The following ATF7 variants were observed in gnomAD, a reference collection of about 807,000 sequenced individuals.
ATF7 encodes the protein cyclic AMP-dependent transcription factor ATF-7.
A neutral mutation model predicts 50.4 loss-of-function variants in ATF7; 10 were observed. That is an observed-to-expected ratio of 0.20 (90% confidence interval 0.12 to 0.34). The LOEUF is 0.34. Ranked by LOEUF, ATF7 falls within the 10% of genes least tolerant of loss-of-function variation. ATF7 has a pLI of 1.00. For synonymous variants in ATF7, 201 were observed against 226.4 expected, an observed-to-expected ratio of 0.89 and a Z score of 1.01; for missense variants, 465 against 613.9, an observed-to-expected ratio of 0.76 and a Z score of 2.56.
intron 9 of ATF7, among the ~76,000 whole-genome samples, chr12:53,528,717 C>T (rs1413430158): frequency 6.6e-6 from 1 of 151,590 alleles, no homozygotes; most frequent in Non-Finnish European, 1.5e-5. Flanking sequence ...GAGCCGAGAT[C>T]GTGCCACTGC....
intron 2 of ATF7, among the ~76,000 whole-genome samples, chr12:53,558,241 G>C (rs1358487279): frequency 1.3e-5 from 2 of 152,172 alleles, no homozygotes; most frequent in African/African-American, 4.8e-5. Context: ...GTCACAACTG[G>C]GAGGATGCTA....
chr12:53,587,839 ATATATTTTTT>A, intron 2 of ATF7, among the ~76,000 whole-genome samples: 1 of 62,996 alleles, frequency 1.6e-5, no homozygotes, highest in East Asian at 5.6e-4. Context: ...ATATATATAT[ATATATTTTTT>A]TTTTTTTTTC....
At chr12:53,619,914 G>C (rs890473245) in intron 1 of ATF7, among the ~76,000 whole-genome samples, 1 of 152,176 alleles carries the variant, frequency 6.6e-6, no homozygotes, top group African/African-American at 2.4e-5. Context: ...GGGAGGCTAA[G>C]GCAGGAGGAC....
intron 1 of ATF7, among the ~76,000 whole-genome samples, chr12:53,620,372 C>T (rs1325925071): frequency 1.3e-5 from 2 of 151,344 alleles, no homozygotes; most frequent in Non-Finnish European, 2.9e-5. Context: ...GTCAGGAGAT[C>T]GAGACCATCC....
intron 2 of ATF7, among the ~76,000 whole-genome samples, chr12:53,586,824 C>A (rs540158902): frequency 6.6e-6 from 1 of 152,122 alleles, no homozygotes; most frequent in Non-Finnish European, 1.5e-5. Context: ...CACACGTGCA[C>A]GCTCACACAC....
chr12:53,592,926 T>C (rs1167959652), intron 2 of ATF7, among the ~76,000 whole-genome samples: 1 of 152,202 alleles, frequency 6.6e-6, no homozygotes. Flanking sequence ...TGGCAAACAC[T>C]ATACTTTATG....
chr12:53,524,465 G>C lies in ATF7; in HGVS notation c.1125+99C>G. The C allele has an allele frequency of 7.4e-7, 1 of 1,350,676 alleles. No individual in the cohort carries two copies. Among genetic ancestry groups the C allele is most frequent in the East Asian group, 2.3e-5 (1 of 43,022 alleles). 83.7% of individuals were successfully genotyped at this position (1,350,676 alleles called of 1,614,324 possible). A position where few individuals can be genotyped will look rare whatever the true frequency, so the allele number is the denominator to read the frequency against. On this transcript the variant is annotated intron_variant, in intron 10 of 11. Transcript: ENST00000420353. The surrounding 1 kb of genome is among the most constrained non-coding windows in gnomAD (Gnocchi z 4.6). ...GGGACAACTAGATCTGTCCTAATTA[G>C]AGAATTACCATCTTCTATCAAATTG...
chr12:53,523,205 T>C, intron 11 of ATF7, 71 bp downstream of exon 11: 1 of 1,126,864 alleles, frequency 8.9e-7, no homozygotes, highest in Non-Finnish European at 1.3e-6. Context: ...TATAAAATTA[T>C]AAGCAGTTGA....
At chr12:53,538,013 A>G (rs1016176935) in intron 4 of ATF7, among the ~76,000 whole-genome samples, 1 of 152,262 alleles carries the variant, frequency 6.6e-6, no homozygotes, top group East Asian at 1.9e-4. Context: ...CATCCGGCCA[A>G]GAAATATGGG....
At chr12:53,590,533 C>A (rs1942895534) in intron 2 of ATF7, among the ~76,000 whole-genome samples, 2 of 152,168 alleles carry the variant, frequency 1.3e-5, no homozygotes, top group South Asian at 4.1e-4. Flanking sequence ...CCAGATACAG[C>A]CCATTCAGTG....
At chr12:53,522,355 T>G (rs1938173598) in intron 11 of ATF7, among the ~76,000 whole-genome samples, 1 of 146,742 alleles carries the variant, frequency 6.8e-6, no homozygotes, top group East Asian at 2.0e-4. Flanking sequence ...GGTCAAGAGT[T>G]TGAGACCAGC....
chr12:53,591,058 T>C (rs1264843586), intron 2 of ATF7, among the ~76,000 whole-genome samples: 1 of 152,162 alleles, frequency 6.6e-6, no homozygotes, highest in Non-Finnish European at 1.5e-5. Context: ...GGTTCAACAA[T>C]TGTAACAAAT....
At chr12:53,527,145 C>T (rs565182910) in intron 9 of ATF7, among the ~76,000 whole-genome samples, 94 of 151,344 alleles carry the variant, frequency 6.2e-4, no homozygotes, top group Non-Finnish European at 1.3e-3. Flanking sequence ...GGCAACAGAG[C>T]GAGACCCTGT....
At chr12:53,596,278 C>T (rs886094690) in intron 2 of ATF7, among the ~76,000 whole-genome samples, 32 of 151,988 alleles carry the variant, frequency 2.1e-4, no homozygotes, top group Admixed American at 1.8e-3. Context: ...CTAGCCTGGG[C>T]GATAAGAGCG....
chr12:53,533,958 G>A (rs907381715), intron 6 of ATF7, among the ~76,000 whole-genome samples: 3 of 152,180 alleles, frequency 2.0e-5, no homozygotes, highest in Admixed American at 2.0e-4. Context: ...TTAGATTAAA[G>A]AAGTATTAAA....
intron 2 of ATF7, among the ~76,000 whole-genome samples, chr12:53,600,567 G>A (rs1002688274): frequency 2.0e-5 from 3 of 152,142 alleles, no homozygotes; most frequent in African/African-American, 7.2e-5. Context: ...CCTGACCTCA[G>A]GTGATCTGCC....
chr12:53,577,267 A>G (rs1016551333), intron 2 of ATF7, among the ~76,000 whole-genome samples: 1 of 152,136 alleles, frequency 6.6e-6, no homozygotes, highest in African/African-American at 2.4e-5. Context: ...TGTCTCTAAA[A>G]ACAAAGAATC....
intron 2 of ATF7, among the ~76,000 whole-genome samples, chr12:53,554,870 G>GA (rs61675595): frequency 0.018 from 1,399 of 76,028 alleles, 100 homozygotes; most frequent in African/African-American, 0.048. Context: ...CTCAAAAAAA[G>GA]AAAAAAAAAA....
At chr12:53,590,083 A>C (rs1296341162) in intron 2 of ATF7, among the ~76,000 whole-genome samples, 1 of 152,138 alleles carries the variant, frequency 6.6e-6, no homozygotes, top group Admixed American at 6.5e-5. Flanking sequence ...AGATAGCCCA[A>C]AATAAAATGC....
Sources: allele counts gnomAD v4.1 joint callset (sites outside exome capture counted in the v4.1 genomes callset), GRCh38; gene constraint gnomAD v4.1.1; non-coding constraint Gnocchi (gnomAD v3.1); transcripts MANE v1.5; gene names NCBI Gene and HGNC (gene_info 2026-07-23, HGNC 2026-07-21).